The following RBKS variants were observed in gnomAD, a reference collection of about 807,000 sequenced individuals.
RBKS encodes the protein ribokinase.
Under a neutral mutation model 33.9 loss-of-function variants are expected in RBKS, and 33 were observed. The ratio of observed to expected loss-of-function variants is 0.97; its 90% CI spans 0.74 to 1.30. The LOEUF is 1.30. Ranked by LOEUF, RBKS falls within the 50% of genes most tolerant of loss-of-function variation. RBKS has a pLI of 0.00. For missense variants in RBKS, 361 were observed against 392.6 expected (o/e 0.92, Z 0.68); for synonymous variants, 125 against 143.0 (o/e 0.87, Z 0.90).
chr2:27,843,556 T>C (rs1558548160), intron 4 of RBKS, among the ~76,000 whole-genome samples: 1 of 152,204 alleles, frequency 6.6e-6, no homozygotes, highest in Non-Finnish European at 1.5e-5. Flanking sequence ...ATAGCTAGTA[T>C]ATGTATGCGG....
At chr2:27,855,024 C>T (rs1371703359) in intron 2 of RBKS, among the ~76,000 whole-genome samples, 1 of 152,118 alleles carries the variant, frequency 6.6e-6, no homozygotes, top group African/African-American at 2.4e-5. Flanking sequence ...GAAGGTAGAT[C>T]TCAAGTTAAG....
chr2:27,802,002 T>C (rs1433091491), intron 7 of RBKS, among the ~76,000 whole-genome samples: 1 of 109,416 alleles, frequency 9.1e-6, no homozygotes, highest in Admixed American at 8.8e-5. Flanking sequence ...ATTTTTTTTT[T>C]TTTTTTTTTT....
At chr2:27,797,464 G>A (rs1302284714) in intron 7 of RBKS, among the ~76,000 whole-genome samples, 2 of 152,248 alleles carry the variant, frequency 1.3e-5, no homozygotes, top group Non-Finnish European at 2.9e-5. Context: ...GTGGTAAATG[G>A]CAGTTGAGAT....
chr2:27,887,585 G>A (rs978469439), intron 1 of RBKS, among the ~76,000 whole-genome samples: 1 of 152,162 alleles, frequency 6.6e-6, no homozygotes, highest in Non-Finnish European at 1.5e-5. Flanking sequence ...AGTAACGAGA[G>A]ATCATGAAAA....
Position 27,781,795 on chromosome 2 carries a change from T to C in RBKS, c.796-7A>G. 1.2e-6 allele frequency: 2 copies of C among 1,605,224 alleles called. No individual in the cohort carries two copies. The highest frequency in any genetic ancestry group is 2.2e-5 in the East Asian group (1 of 44,630). On this transcript the variant is annotated splice_polypyrimidine_tract_variant and splice_region_variant and intron_variant, in intron 7 of 7. Transcript: ENST00000302188. Reference sequence around the variant, plus strand: ...CAAAGCTGTCACCAGCACCCTGTAATTGAAAGCACAGTTTTGAAGATAAGC... The same window carrying C: ...CAAAGCTGTCACCAGCACCCTGTAACTGAAAGCACAGTTTTGAAGATAAGC...
intron 1 of RBKS, among the ~76,000 whole-genome samples, chr2:27,885,395 C>T (rs1193322744): frequency 6.6e-6 from 1 of 152,108 alleles, no homozygotes; most frequent in African/African-American, 2.4e-5. Flanking sequence ...ATGTCACTCC[C>T]CTGCTCAAAT....
chr2:27,888,406 T>A (rs1440643246), intron 1 of RBKS, among the ~76,000 whole-genome samples: 1 of 152,142 alleles, frequency 6.6e-6, no homozygotes, highest in Non-Finnish European at 1.5e-5. Flanking sequence ...GGATTACAGG[T>A]ATGAGCCACT....
chr2:27,868,256 T>A (rs1475311029), intron 1 of RBKS, among the ~76,000 whole-genome samples: 1 of 152,226 alleles, frequency 6.6e-6, no homozygotes, highest in Non-Finnish European at 1.5e-5. Flanking sequence ...ATTTATCTAC[T>A]ATTTTTGGTG....
At chr2:27,789,541 G>C (rs1441480727) in intron 7 of RBKS, among the ~76,000 whole-genome samples, 2 of 151,596 alleles carry the variant, frequency 1.3e-5, no homozygotes, top group Non-Finnish European at 2.9e-5. Context: ...TGGGAGTATA[G>C]ATGTGTGCCA....
In RBKS at chr2:27,801,949, G is replaced by GAAA. The variant is rs1397935633; in HGVS notation, c.796-20162_796-20161insTTT. 1.6e-4 allele frequency among the ~76,000 whole-genome samples: 9 copies of GAAA among 54,758 alleles called. 1 individual carries two copies. In the East Asian group the frequency reaches 2.7e-3, roughly 17 times the overall value. The allele number at this position is 54,758 out of a possible 152,430, so 35.9% of individuals were successfully genotyped here. On this transcript the variant is annotated intron_variant, in intron 7 of 7. Coordinates refer to ENST00000302188, the MANE Select transcript of RBKS (RefSeq NM_022128.3). ...CTGTCTCAGTTTCCCGAGTAGCTGG[G>GAAA]GAAAAAAAAAAAAAATATATATATA...
Position 27,795,002 on chromosome 2 carries a change from G to C in RBKS, c.796-13214C>G, listed in dbSNP as rs2148185642. On this transcript the variant is annotated intron_variant, in intron 7 of 7. Coordinates refer to ENST00000302188, the MANE Select transcript of RBKS (RefSeq NM_022128.3). This position sits in a 1 kb window ranked among gnomAD's most constrained non-coding sequence, Gnocchi z 4.1. ...GGACTGGGATGTTAGTGGCAGTCCT[G>C]TTGTGATGGTATCCAGCGCCCTGTG... 6.6e-6 allele frequency among the ~76,000 whole-genome samples: 1 copy of C among 152,294 alleles called. No homozygotes were observed. The highest frequency in any genetic ancestry group is 1.9e-4 in the East Asian group (1 of 5,182).
chr2:27,875,756 T>C (rs1664301929), intron 1 of RBKS, among the ~76,000 whole-genome samples: 1 of 152,168 alleles, frequency 6.6e-6, no homozygotes, highest in South Asian at 2.1e-4. Context: ...GAGTATTAAA[T>C]GGCCACAAAA....
At chr2:27,878,018 T>C (rs1279170983) in intron 1 of RBKS, among the ~76,000 whole-genome samples, 1 of 76,382 alleles carries the variant, frequency 1.3e-5, no homozygotes, top group East Asian at 2.3e-4. Context: ...TCAGTTTATT[T>C]TTATTTTTTA....
chr2:27,791,062 A>T (rs962536569), intron 7 of RBKS, among the ~76,000 whole-genome samples: 1 of 152,242 alleles, frequency 6.6e-6, no homozygotes, highest in Non-Finnish European at 1.5e-5. Flanking sequence ...ACTGTGGCAC[A>T]TCCAGACAAG....
At chr2:27,819,221 C>A (rs1224280919) in intron 7 of RBKS, among the ~76,000 whole-genome samples, 1 of 152,130 alleles carries the variant, frequency 6.6e-6, no homozygotes, top group Non-Finnish European at 1.5e-5. Flanking sequence ...TCTGAGGCCT[C>A]TTCTCTTGGC....
chr2:27,782,358 T>C (rs1202675756), intron 7 of RBKS, among the ~76,000 whole-genome samples: 2 of 151,922 alleles, frequency 1.3e-5, no homozygotes, highest in Non-Finnish European at 1.5e-5. Flanking sequence ...TTTAAAAATT[T>C]TAATTAAAAA....
At chr2:27,808,490 C>G (rs1182770006) in intron 7 of RBKS, among the ~76,000 whole-genome samples, 23 of 152,212 alleles carry the variant, frequency 1.5e-4, no homozygotes, top group Non-Finnish European at 3.1e-4. Context: ...AGTCTTCACA[C>G]AGGTTGAGGT....
intron 1 of RBKS, among the ~76,000 whole-genome samples, chr2:27,881,325 G>A (rs1664412554): frequency 6.6e-6 from 1 of 151,954 alleles, no homozygotes; most frequent in Admixed American, 6.6e-5. Flanking sequence ...CAAATCACCC[G>A]AGGTCAGGAG....
chr2:27,811,611 T>A (rs1473741269), intron 7 of RBKS, among the ~76,000 whole-genome samples: 2 of 152,170 alleles, frequency 1.3e-5, no homozygotes, highest in Non-Finnish European at 2.9e-5. Context: ...TTTGTAGCAA[T>A]GTTGTAGCCT....
Sources: gnomAD v4.1 joint callset for allele counts (sites outside exome capture counted in the v4.1 genomes callset) on GRCh38, gnomAD v4.1.1 for gene constraint, Gnocchi (gnomAD v3.1) non-coding constraint, MANE v1.5 for transcripts, NCBI Gene and HGNC (gene_info 2026-07-23, HGNC 2026-07-21) for gene names.